Variants in DGKH observed in about 807,000 individuals in gnomAD.
The protein encoded by DGKH is DAG kinase eta.
DGKH carries 90 observed loss-of-function variants against 159.3 expected under a neutral mutation model. The observed-to-expected ratio is 0.57, with a 90% CI of 0.48 to 0.67. DGKH has a LOEUF of 0.67. DGKH is among the 30% of genes least tolerant of loss of function. DGKH has a pLI of 0.00. For synonymous variants in DGKH, 536 were observed against 553.8 expected, an observed-to-expected ratio of 0.97 and a Z score of 0.45; for missense variants, 1,181 against 1,506.1, an observed-to-expected ratio of 0.78 and a Z score of 3.57.
intron 24 of DGKH, among the ~76,000 whole-genome samples, chr13:42,213,018 AGG>A (rs1445900214): frequency 6.6e-6 from 1 of 152,210 alleles, no homozygotes; most frequent in Admixed American, 6.5e-5. Context: ...GGTGACTGAA[AGG>A]TTGGCATAGT....
At chr13:42,052,176 T>C (rs976391496) in intron 1 of DGKH, among the ~76,000 whole-genome samples, 2 of 152,228 alleles carry the variant, frequency 1.3e-5, no homozygotes, top group Admixed American at 1.3e-4. Flanking sequence ...AAGTAAAGAA[T>C]GGAACTGGTA....
intron 3 of DGKH, among the ~76,000 whole-genome samples, chr13:42,151,499 G>GTATACACA (rs1566134347): frequency 1.9e-5 from 2 of 104,494 alleles, no homozygotes; most frequent in Non-Finnish European, 4.0e-5. Flanking sequence ...GTGTGTGTGT[G>GTATACACA]TGTGTGTATA....
intron 1 of DGKH, among the ~76,000 whole-genome samples, chr13:42,053,455 TAACTATATATAA>T: frequency 7.2e-6 from 1 of 138,600 alleles, no homozygotes; most frequent in Non-Finnish European, 1.6e-5. Flanking sequence ...ACTATATATA[TAACTATATATAA>T]CTATATGTAT....
chr13:42,229,009 T>G, intron 29 of DGKH, 90 bp from the exon 30 acceptor site: 4 of 1,121,050 alleles, frequency 3.6e-6, no homozygotes, highest in Non-Finnish European at 3.8e-6. Context: ...CAATAAACTT[T>G]TTTCCTTTTC....
intron 1 of DGKH, among the ~76,000 whole-genome samples, chr13:42,078,311 T>C (rs1225452524): frequency 6.6e-6 from 1 of 152,362 alleles, no homozygotes; most frequent in East Asian, 1.9e-4. Context: ...AGTTGCCATC[T>C]AGAGGTCAGG....
At chr13:42,064,308 G>C (rs1882403717) in intron 1 of DGKH, among the ~76,000 whole-genome samples, 1 of 152,320 alleles carries the variant, frequency 6.6e-6, no homozygotes, top group East Asian at 1.9e-4. Context: ...GTGGGAAAGG[G>C]AATAGACTAG....
intron 24 of DGKH, among the ~76,000 whole-genome samples, chr13:42,212,707 A>T (rs933644339): frequency 6.6e-6 from 1 of 152,188 alleles, no homozygotes; most frequent in African/African-American, 2.4e-5. Context: ...TCAATTTTTG[A>T]ACCTCTTCTT....
chr13:42,188,006 A>G (rs903260493), intron 14 of DGKH, among the ~76,000 whole-genome samples: 1 of 152,242 alleles, frequency 6.6e-6, no homozygotes, highest in Non-Finnish European at 1.5e-5. Context: ...TTGGGCTTGC[A>G]AAGGAATTAA....
At chr13:42,156,511 G>A (rs1387059125) in intron 5 of DGKH, among the ~76,000 whole-genome samples, 1 of 152,128 alleles carries the variant, frequency 6.6e-6, no homozygotes, top group Non-Finnish European at 1.5e-5. Flanking sequence ...AAAGAGGCAT[G>A]AGCAAATTTG....
chr13:42,219,353 T>C lies in DGKH; in HGVS notation c.3333+4T>C. ...CTTACACCCAAATGAGGATGAGGTA[T>C]GTAAAATTCAGCCTGTTTCTCTAGA... On this transcript the variant is annotated splice_donor_region_variant and intron_variant, in intron 27 of 29. Transcript: ENST00000337343. The C allele has an allele frequency of 1.2e-6, 2 of 1,613,130 alleles. No homozygotes were observed. Among genetic ancestry groups the C allele is most frequent in the Non-Finnish European group, 8.5e-7 (1 of 1,179,692 alleles).
chr13:42,135,417 T>G lies in DGKH; in HGVS notation c.384+5785T>G, dbSNP rs1955380572. The stretch of plus-strand genomic sequence containing the variant: ...AGGAGGCTGAGGTGGGAGGATCTCT[T>G]GAGCGGAGGTTGCAGTAAGCCAAGA... On this transcript the variant is annotated intron_variant, in intron 3 of 29. Transcript: ENST00000337343. Among the ~76,000 whole-genome samples the G allele has an allele frequency of 2.8e-5, 4 of 144,906 alleles. No homozygotes were observed. In the South Asian group the frequency reaches 8.8e-4, roughly 32 times the overall value.
intron 7 of DGKH, among the ~76,000 whole-genome samples, chr13:42,163,864 T>C (rs2137995720): frequency 6.6e-6 from 1 of 152,284 alleles, no homozygotes; most frequent in South Asian, 2.1e-4. Context: ...CTCTTTAGTT[T>C]AATTAGATCC....
At chr13:42,133,405 A>T (rs1474369564) in intron 3 of DGKH, among the ~76,000 whole-genome samples, 1 of 152,160 alleles carries the variant, frequency 6.6e-6, no homozygotes, top group East Asian at 1.9e-4. Context: ...CTAGAAATAT[A>T]GGGACTGGTT....
At chr13:42,175,062 G>A (rs991425829) in intron 12 of DGKH, among the ~76,000 whole-genome samples, 9 of 152,190 alleles carry the variant, frequency 5.9e-5, no homozygotes, top group Admixed American at 3.3e-4. Context: ...ATTAGTCTCT[G>A]ACTCATTAAG....
chr13:42,168,615 C>A, intron 10 of DGKH, 64 bp from the exon 11 acceptor site: 1 of 1,612,762 alleles, frequency 6.2e-7, no homozygotes. Flanking sequence ...CAGAGAGGTG[C>A]AGAAATGCAG....
At chr13:42,222,773 C>T (rs1038455980) in intron 29 of DGKH, among the ~76,000 whole-genome samples, 1 of 152,110 alleles carries the variant, frequency 6.6e-6, no homozygotes, top group Non-Finnish European at 1.5e-5. Context: ...AGGGAAAAGA[C>T]TGTGTGTGTA....
chr13:42,245,593 G>A, downstream of DGKH, among the ~76,000 whole-genome samples: 1 of 148,548 alleles, frequency 6.7e-6, no homozygotes, highest in East Asian at 2.0e-4. Context: ...CAATACTTTT[G>A]TTTTTTTTTT....
At chr13:42,159,987 C>T in intron 6 of DGKH, 24 bp from the exon 7 acceptor site, 1 of 1,614,202 alleles carries the variant, frequency 6.2e-7, no homozygotes, top group East Asian at 2.2e-5. Context: ...CTTCACCTGG[C>T]TGCCCTTTCT....
At position 42,229,203 on chromosome 13, in the gene DGKH, T is replaced by G; in HGVS notation, c.*15T>G. 6.2e-7 allele frequency: 1 copy of G among 1,603,810 alleles called. No homozygotes were observed. The highest frequency in any genetic ancestry group is 1.1e-5 in the South Asian group (1 of 88,630). On this transcript the variant is annotated 3_prime_UTR_variant, in exon 30 of 30. Transcript: ENST00000337343. ...CGGAGGTGTAATCATATTGGTGCTA[T>G]TTCTTGGAAGAGAAGTTATTGCCAC...
Sources: gnomAD v4.1 joint callset for allele counts (sites outside exome capture counted in the v4.1 genomes callset) on GRCh38, gnomAD v4.1.1 for gene constraint, MANE v1.5 for transcripts, NCBI Gene and HGNC (gene_info 2026-07-23, HGNC 2026-07-21) for gene names.